The following FUT8 variants were observed in gnomAD, a reference collection of about 807,000 sequenced individuals.
FUT8 encodes fucosyltransferase 8.
A neutral mutation model predicts 71.3 loss-of-function variants in FUT8; 29 were observed. The ratio of observed to expected loss-of-function variants is 0.41; its 90% CI spans 0.30 to 0.55. The LOEUF (loss-of-function observed/expected upper bound fraction) is 0.55, where lower values mean the gene tolerates loss of function less well. Ranked by LOEUF, FUT8 falls within the 20% of genes least tolerant of loss-of-function variation. The pLI is 0.34. For missense variants in FUT8, 544 were observed against 702.1 expected (o/e 0.77, Z 2.55); for synonymous variants, 254 against 239.3 (o/e 1.06, Z -0.57).
chr14:65,426,772 A>T (rs903760199), intron 1 of FUT8, among the ~76,000 whole-genome samples: 6 of 152,316 alleles, frequency 3.9e-5, no homozygotes, highest in African/African-American at 1.4e-4. Context: ...GGCGTATTTA[A>T]ACTCCAACAG....
rs144357970 is a variant in FUT8, at chr14:65,726,246, C to T, written c.1259+1923C>T. Reference sequence around the variant, plus strand: ...GTCTACTCTTTCACTTGTTCTGGAACGCATCACAAGCTTTTTTCCTTGTTT... The same window carrying T: ...GTCTACTCTTTCACTTGTTCTGGAATGCATCACAAGCTTTTTTCCTTGTTT... On this transcript the variant is annotated intron_variant, in intron 9 of 10. Transcript: ENST00000673929. Among the ~76,000 whole-genome samples, 583 of 152,332 alleles carry T rather than the reference C, an allele frequency of 3.8e-3. 6 individuals are homozygous for T. The highest frequency in any genetic ancestry group is 9.0e-3 in the African/African-American group (375 of 41,572).
Position 65,669,616 on chromosome 14 carries a change from A to G in FUT8, c.835+136A>G. 1.8e-6 allele frequency: 1 copy of G among 557,920 alleles called. No homozygotes were observed. The highest frequency in any genetic ancestry group is 3.2e-6 in the Non-Finnish European group (1 of 316,602). The allele number at this position is 557,920 out of a possible 1,614,324, so 34.6% of individuals were successfully genotyped here. On this transcript the variant is annotated intron_variant, in intron 7 of 10. Coordinates refer to ENST00000673929, the MANE Select transcript of FUT8 (RefSeq NM_001371533.1). The surrounding 1 kb of genome is among the most constrained non-coding windows in gnomAD (Gnocchi z 4.5). ...CATGAATACTATACATTATCCAGAT[A>G]AAATCTAGAAGAACAGTATTTTATC... is the stretch of plus-strand genomic sequence containing the variant.
Position 65,413,730 on chromosome 14 carries a change from C to G in FUT8, c.-326+516C>G, listed in dbSNP as rs374852041. 2.0e-5 allele frequency among the ~76,000 whole-genome samples: 3 copies of G among 152,164 alleles called. No homozygotes were observed. The highest frequency in any genetic ancestry group is 7.2e-5 in the African/African-American group (3 of 41,424). ...CACAAAGATCCGCGAGGGACTGATG[C>G]AGGGCAGTTAAAGGCTTGAGTGCAG... is the stretch of plus-strand genomic sequence containing the variant. On this transcript the variant is annotated intron_variant, in intron 1 of 10. Transcript: ENST00000673929. This position sits in a 1 kb window ranked among gnomAD's most constrained non-coding sequence, Gnocchi z 4.1.
rs942788950 is a variant in FUT8 at position 65,615,995 on chromosome 14, T to C, written c.221T>C (p.Ile74Thr). Residue 74 changes from isoleucine (I) to threonine (T), a missense_variant, in exon 4 of 11, where the codon ATT becomes ACT. Coordinates refer to ENST00000673929, the MANE Select transcript of FUT8 (RefSeq NM_001371533.1). The part of the protein sequence containing the change: ...AESLRIPEGP[I>T]DQGPAIGRVR... ...AACTACAGGATACCAGAAGGCCCTA[T>C]TGATCAGGGGCCAGCTATAGGAAGA... is the stretch of plus-strand genomic sequence containing the variant. 1 of 1,612,856 alleles carries C rather than the reference T, an allele frequency of 6.2e-7. No homozygotes were observed. The highest frequency in any genetic ancestry group is 8.5e-7 in the Non-Finnish European group (1 of 1,179,214).
chr14:65,414,971 G>C (rs2065197661), intron 1 of FUT8, among the ~76,000 whole-genome samples: 2 of 152,026 alleles, frequency 1.3e-5, no homozygotes, highest in African/African-American at 4.8e-5. Context: ...CTACAAATCA[G>C]TTCTGTTTAA....
upstream of FUT8, among the ~76,000 whole-genome samples, chr14:65,407,708 C>T (rs1329890280): frequency 6.6e-6 from 1 of 152,170 alleles, no homozygotes; most frequent in Admixed American, 6.5e-5. Context: ...ATGGTGGGAA[C>T]AAACAAACAT....
chr14:65,520,057 G>C, intron 2 of FUT8, among the ~76,000 whole-genome samples: 1 of 152,210 alleles, frequency 6.6e-6, no homozygotes, highest in East Asian at 1.9e-4. Context: ...GGAATTACAG[G>C]CATGAGCCAC....
At chr14:65,386,026 C>G in the FUT8 span, among the ~76,000 whole-genome samples, 1 of 151,988 alleles carries the variant, frequency 6.6e-6, no homozygotes, top group Non-Finnish European at 1.5e-5. Context: ...GTGGCATGTG[C>G]CTGTAATCCC....
the FUT8 span, among the ~76,000 whole-genome samples, chr14:65,368,485 C>A: frequency 2.3e-4 from 31 of 133,428 alleles, 5 homozygotes; most frequent in Non-Finnish European, 4.9e-5. Context: ...GGATTACAGG[C>A]GCCTGCCACC....
chr14:65,424,375 T>C (rs1205977799), intron 1 of FUT8, among the ~76,000 whole-genome samples: 1 of 152,160 alleles, frequency 6.6e-6, no homozygotes, highest in Middle Eastern at 3.2e-3. Flanking sequence ...CAGTGTCAAA[T>C]GCCACCATGT....
At chr14:65,466,511 A>G (rs982107666) in intron 2 of FUT8, among the ~76,000 whole-genome samples, 1 of 152,194 alleles carries the variant, frequency 6.6e-6, no homozygotes, top group Non-Finnish European at 1.5e-5. Flanking sequence ...GCACTTTGGG[A>G]GGCCAAGGCG....
intron 7 of FUT8, among the ~76,000 whole-genome samples, chr14:65,685,845 A>G (rs1365503865): frequency 6.6e-6 from 1 of 152,176 alleles, no homozygotes; most frequent in Non-Finnish European, 1.5e-5. Context: ...GCATATAATG[A>G]GCAGTGAGGA....
chr14:65,537,110 A>G (rs1884369400), intron 2 of FUT8, among the ~76,000 whole-genome samples: 1 of 151,090 alleles, frequency 6.6e-6, no homozygotes, highest in South Asian at 2.1e-4. Flanking sequence ...CAGATCAATT[A>G]TGTTTTTTCT....
At chr14:65,582,335 T>G (rs1296389069) in intron 3 of FUT8, among the ~76,000 whole-genome samples, 1 of 152,174 alleles carries the variant, frequency 6.6e-6, no homozygotes, top group Non-Finnish European at 1.5e-5. Flanking sequence ...TTCATTATTT[T>G]TAGACAAATT....
intron 7 of FUT8, among the ~76,000 whole-genome samples, chr14:65,693,799 A>C (rs961155516): frequency 6.6e-6 from 1 of 152,338 alleles, no homozygotes; most frequent in East Asian, 1.9e-4. Context: ...AGTAGAATTC[A>C]CCAGTGAAAC....
chr14:65,715,216 A>G (rs147906010), intron 7 of FUT8, among the ~76,000 whole-genome samples: 2,026 of 152,272 alleles, frequency 0.013, 21 homozygotes, highest in Non-Finnish European at 0.018. Flanking sequence ...CTGTGGATCT[A>G]TGTATATGGC....
At chr14:65,434,933 C>A (rs1019093521) in intron 1 of FUT8, among the ~76,000 whole-genome samples, 4 of 151,966 alleles carry the variant, frequency 2.6e-5, no homozygotes, top group African/African-American at 9.7e-5. Context: ...TATGTATCTA[C>A]CCTCATAATC....
intron 3 of FUT8, among the ~76,000 whole-genome samples, chr14:65,562,557 A>G (rs1013091988): frequency 6.6e-6 from 1 of 152,112 alleles, no homozygotes; most frequent in African/African-American, 2.4e-5. Context: ...ATTTTTTTCC[A>G]AAGTTATTGA....
intron 7 of FUT8, among the ~76,000 whole-genome samples, chr14:65,683,273 A>G (rs1224812567): frequency 6.6e-6 from 1 of 152,098 alleles, no homozygotes; most frequent in Non-Finnish European, 1.5e-5. Flanking sequence ...TGGGCCTCCT[A>G]AAGTGCTGGG....
Sources: gnomAD v4.1 joint callset for allele counts (sites outside exome capture counted in the v4.1 genomes callset) on GRCh38, gnomAD v4.1.1 for gene constraint, Gnocchi (gnomAD v3.1) non-coding constraint, MANE v1.5 for transcripts, NCBI Gene and HGNC (gene_info 2026-07-23, HGNC 2026-07-21) for gene names.